The following AZIN1 variants were observed in gnomAD, a reference collection of about 807,000 sequenced individuals.
AZIN1 encodes antizyme inhibitor 1.
In AZIN1, 12 loss-of-function variants were observed where a neutral mutation model predicts 47.4. The observed-to-expected ratio is 0.25, with a 90% confidence interval of 0.16 to 0.41. AZIN1 has a LOEUF of 0.41. AZIN1 is among the 10% of genes least tolerant of loss of function. The probability of loss-of-function intolerance (pLI) is 1.00; values close to 1 mark genes in which losing one functional copy is unlikely to be tolerated. For missense variants in AZIN1, 410 were observed against 532.4 expected (o/e 0.77, Z 2.26); for synonymous variants, 155 against 176.3 (o/e 0.88, Z 0.96).
In AZIN1 at chr8:102,828,649, GAAGT is replaced by G; in HGVS notation, c.1261_1264del (p.Thr421GlnfsTer4). On this transcript the variant is annotated frameshift_variant, in exon 12 of 12. Transcript: ENST00000337198. LOFTEE classifies it high-confidence loss of function. ...GAAGAAGTTCTTCATCATTGAGTCTGAAGTAATTCCAGCATCTTGCATCTCATAC... is the reference window on the plus strand; with the variant it reads ...GAAGAAGTTCTTCATCATTGAGTCTGAATTCCAGCATCTTGCATCTCATAC... 6.2e-7 allele frequency: 1 copy of G among 1,609,996 alleles called. No individual in the cohort carries two copies. Among genetic ancestry groups the G allele is most frequent in the Non-Finnish European group, 8.5e-7 (1 of 1,176,960 alleles).
At chr8:102,843,887 C>T in intron 2 of AZIN1, 140 bp from the exon 3 acceptor site, 1 of 595,830 alleles carries the variant, frequency 1.7e-6, no homozygotes, top group Non-Finnish European at 2.6e-6. Context: ...TTATTAATTT[C>T]CTTTAACGCC....
chr8:102,830,417 A>AAG, intron 9 of AZIN1, among the ~76,000 whole-genome samples: 1 of 151,586 alleles, frequency 6.6e-6, no homozygotes, highest in East Asian at 1.9e-4. Context: ...AAAAAAAAAA[A>AAG]AAAGAAAAAA....
At chr8:102,839,594 A>G (rs1259320757) in intron 4 of AZIN1, 56 bp downstream of exon 4, 3 of 1,295,634 alleles carry the variant, frequency 2.3e-6, no homozygotes, top group Non-Finnish European at 3.1e-6. Flanking sequence ...CGCTGTAACT[A>G]CATTAAGTTA....
intron 3 of AZIN1, among the ~76,000 whole-genome samples, chr8:102,842,176 C>A (rs1812242850): frequency 6.6e-6 from 1 of 151,916 alleles, no homozygotes; most frequent in South Asian, 2.1e-4. Context: ...TAGAAGTTGA[C>A]TCCTAGAGCA....
intron 1 of AZIN1, among the ~76,000 whole-genome samples, chr8:102,860,555 G>A (rs372143928): frequency 6.6e-6 from 1 of 152,084 alleles, no homozygotes; most frequent in Non-Finnish European, 1.5e-5. Flanking sequence ...GAGCCACCAC[G>A]CCTGGCCTAT....
In AZIN1 at chr8:102,836,287, T is replaced by C. The variant is rs914292586; in HGVS notation, c.553A>G (p.Lys185Glu). ...KNCRHLLECAKELDVQIIGVK... is the reference protein window; with the variant it reads ...KNCRHLLECAEELDVQIIGVK... ...CCAATTATTTGGACATCAAGTTCCTTAGCACATTCCAAGAGATGCCTACAG... is the reference window on the plus strand; with the variant it reads ...CCAATTATTTGGACATCAAGTTCCTCAGCACATTCCAAGAGATGCCTACAG... Residue 185 changes from lysine (K) to glutamate (E), a missense_variant, in exon 6 of 12, where the codon AAG (lysine) becomes GAG (glutamate). This residue lies in a region of AZIN1 where 237 missense variants were observed against 309.4 expected (regional missense o/e 0.77). Coordinates refer to ENST00000337198, the MANE Select transcript of AZIN1 (RefSeq NM_148174.4). 2 of 1,613,966 alleles carry C rather than the reference T, an allele frequency of 1.2e-6. No individual in the cohort carries two copies. The highest frequency in any genetic ancestry group is 1.3e-5 in the African/African-American group (1 of 74,932).
chr8:102,848,753 T>G (rs768412417), intron 2 of AZIN1, among the ~76,000 whole-genome samples: 1 of 152,064 alleles, frequency 6.6e-6, no homozygotes, highest in Non-Finnish European at 1.5e-5. Context: ...CTTAATATAT[T>G]AGCAAAAATA....
At chr8:102,863,637 CGCCGCCGCCGGGGGCACAGACA>C (rs1302558992) in intron 1 of AZIN1, among the ~76,000 whole-genome samples, 148 bp downstream of exon 1, 2 of 149,258 alleles carry the variant, frequency 1.3e-5, no homozygotes, top group African/African-American at 4.9e-5. Context: ...CCGCCGCCGC[CGCCGCCGCCGGGGGCACAGACA>C]GCCGCCGCCG....
At chr8:102,851,339 C>T (rs1812904850) in intron 2 of AZIN1, among the ~76,000 whole-genome samples, 1 of 152,222 alleles carries the variant, frequency 6.6e-6, no homozygotes. Flanking sequence ...GTCCACTACT[C>T]ACCCAAGGAA....
rs761344717 is a variant in AZIN1 at position 102,836,247 on chromosome 8, A to T, written c.584+9T>A. 3.2e-5 allele frequency: 51 copies of T among 1,612,348 alleles called. 1 individual carries two copies. In the South Asian group the frequency reaches 3.5e-4, roughly 11 times the overall value. ...TTCACAGCTTTAAAAGTTTAAAACA[A>T]ATACTCACTTAACCCCAATTATTTG... is the stretch of plus-strand genomic sequence containing the variant. On this transcript the variant is annotated intron_variant, in intron 6 of 11. Coordinates refer to ENST00000337198, the MANE Select transcript of AZIN1 (RefSeq NM_148174.4).
chr8:102,845,199 G>A (rs1299361915), intron 2 of AZIN1, among the ~76,000 whole-genome samples: 1 of 148,096 alleles, frequency 6.8e-6, no homozygotes, highest in Non-Finnish European at 1.5e-5. Flanking sequence ...CCACTGTCCT[G>A]AAAGTATACT....
intron 9 of AZIN1, among the ~76,000 whole-genome samples, chr8:102,831,402 A>G (rs1338237927): frequency 1.3e-5 from 2 of 151,948 alleles, no homozygotes; most frequent in Non-Finnish European, 2.9e-5. Flanking sequence ...TCTAATTTAA[A>G]CTTGCCACTT....
At chr8:102,841,859 C>T (rs1020773218) in intron 3 of AZIN1, among the ~76,000 whole-genome samples, 1 of 150,484 alleles carries the variant, frequency 6.6e-6, no homozygotes, top group African/African-American at 2.4e-5. Flanking sequence ...GCCTGTAATC[C>T]CAGCACTTTG....
At chr8:102,854,046 G>T (rs991063093) in intron 2 of AZIN1, among the ~76,000 whole-genome samples, 1 of 151,884 alleles carries the variant, frequency 6.6e-6, no homozygotes, top group Non-Finnish European at 1.5e-5. Context: ...GGTTCAAGCA[G>T]GCCTCAGCCT....
In AZIN1 at chr8:102,834,699, A is replaced by G. The variant is rs145454106; in HGVS notation, c.633T>C (p.Ala211=). 2.2e-5 allele frequency: 35 copies of G among 1,612,024 alleles called. No individual in the cohort carries two copies. The highest frequency in any genetic ancestry group is 2.8e-5 in the Non-Finnish European group (33 of 1,178,742). Residue 211 remains alanine, a synonymous_variant, in exon 7 of 12, where the codon GCT becomes GCC. Coordinates refer to ENST00000337198, the MANE Select transcript of AZIN1 (RefSeq NM_148174.4). ...ACKESQVYVH[A]LSDARCVFDM... The stretch of plus-strand genomic sequence containing the variant: ...CAAACACACATCGAGCATCAGATAG[A>G]GCATGTACATATACTTGAGATTCTT...
At position 102,839,836 on chromosome 8, in the gene AZIN1, T is replaced by A; in HGVS notation, c.103-13A>T. The A allele has an allele frequency of 6.5e-7, 1 of 1,527,796 alleles. No homozygotes were observed. The highest frequency in any genetic ancestry group is 8.8e-7 in the Non-Finnish European group (1 of 1,131,652). The allele number at this position is 1,527,796 out of a possible 1,614,324, so 94.6% of individuals were successfully genotyped here. A position where few individuals can be genotyped will look rare whatever the true frequency, so the allele number is the denominator to read the frequency against. ...CATTTTTCCCTGTCTATTATGGTTA[T>A]AAAAAAAAAGACAAATATGAACAAA... On this transcript the variant is annotated splice_polypyrimidine_tract_variant and intron_variant, in intron 3 of 11. Coordinates refer to ENST00000337198, the MANE Select transcript of AZIN1 (RefSeq NM_148174.4).
intron 1 of AZIN1, among the ~76,000 whole-genome samples, chr8:102,860,892 T>C (rs2131292098): frequency 6.6e-6 from 1 of 152,286 alleles, no homozygotes; most frequent in Non-Finnish European, 1.5e-5. Flanking sequence ...TTCTACCAGA[T>C]ATCTGGCAGC....
intron 9 of AZIN1, among the ~76,000 whole-genome samples, chr8:102,832,853 G>A (rs1318485958): frequency 6.6e-6 from 1 of 152,090 alleles, no homozygotes; most frequent in African/African-American, 2.4e-5. Context: ...TATTGGCCAG[G>A]CTGGTCTCGA....
chr8:102,860,045 T>A (rs1422317309), intron 1 of AZIN1, among the ~76,000 whole-genome samples: 2 of 152,082 alleles, frequency 1.3e-5, no homozygotes, highest in African/African-American at 2.4e-5. Flanking sequence ...AGCACTTACA[T>A]ACAGGATAGA....
Sources: gnomAD v4.1 joint callset for allele counts (sites outside exome capture counted in the v4.1 genomes callset) on GRCh38, gnomAD v4.1.1 for gene constraint, gnomAD v4.1.1 regional missense constraint, MANE v1.5 for transcripts, NCBI Gene and HGNC (gene_info 2026-07-23, HGNC 2026-07-21) for gene names.